The following LIN54 variants were observed in gnomAD, a reference collection of about 807,000 sequenced individuals.
The protein encoded by LIN54 is protein lin-54 homolog.
A neutral mutation model predicts 78.7 loss-of-function variants in LIN54; 9 were observed. The observed-to-expected ratio is 0.11, with a 90% CI of 0.07 to 0.20. The LOEUF is 0.20. LIN54 is among the 10% of genes least tolerant of loss of function. The pLI, the probability that LIN54 is intolerant of heterozygous loss-of-function variation, is 1.00. For missense variants in LIN54, 573 were observed against 889.9 expected (o/e 0.64, Z 4.53); for synonymous variants, 269 against 318.4 (o/e 0.84, Z 1.65).
intron 4 of LIN54, among the ~76,000 whole-genome samples, chr4:82,951,848 G>A (rs1723871339): frequency 6.6e-6 from 1 of 152,040 alleles, no homozygotes; most frequent in African/African-American, 2.4e-5. Context: ...TTTTCAACAA[G>A]GGTGCTGAGA....
chr4:82,992,905 G>C (rs903303805), intron 1 of LIN54, among the ~76,000 whole-genome samples: 5 of 151,654 alleles, frequency 3.3e-5, no homozygotes, highest in African/African-American at 1.2e-4. Flanking sequence ...GCAGGTGCCT[G>C]TAGTCCCAGC....
In LIN54 at chr4:82,970,328, T is replaced by G. The variant is rs541884077; in HGVS notation, c.950A>C (p.Lys317Thr). The G allele has an allele frequency of 6.2e-7, 1 of 1,604,006 alleles. No homozygotes were observed. The highest frequency in any genetic ancestry group is 1.3e-5 in the African/African-American group (1 of 74,422). Reference sequence around the variant, plus strand: ...TTTGTGGCTAATTTATTTTTTTACCTTATTTGGCGATTTCAAAGGTGAGAT... The same window carrying G: ...TTTGTGGCTAATTTATTTTTTTACCGTATTTGGCGATTTCAAAGGTGAGAT... ...IAISPLKSPN[K>T]AVKSTVQTIT... is the part of the protein sequence containing the mutation. The change falls in exon 4 of 13, where the codon AAG becomes ACG. Residue 317 changes from lysine (K) to threonine (T), a missense_variant and splice_region_variant. This residue lies in a region of LIN54 where 199 missense variants were observed against 260.9 expected (regional missense o/e 0.76). Coordinates refer to ENST00000340417, the MANE Select transcript of LIN54 (RefSeq NM_194282.4).
At chr4:82,952,405 T>C (rs1723914559) in intron 4 of LIN54, among the ~76,000 whole-genome samples, 1 of 152,096 alleles carries the variant, frequency 6.6e-6, no homozygotes, top group Admixed American at 6.6e-5. Flanking sequence ...GAAATACAAG[T>C]CAAAACTACA....
At chr4:82,937,916 A>G (rs942227600) in intron 8 of LIN54, among the ~76,000 whole-genome samples, 3 of 152,226 alleles carry the variant, frequency 2.0e-5, no homozygotes, top group Non-Finnish European at 4.4e-5. Context: ...GGATCACTTG[A>G]GCCCAGGAGG....
upstream of LIN54, chr4:83,011,935 C>T (rs141376904): frequency 3.0e-6 from 2 of 664,836 alleles, no homozygotes; most frequent in Non-Finnish European, 3.7e-6. Context: ...TTCAAGGCTG[C>T]GAACAGGGCC....
intron 4 of LIN54, among the ~76,000 whole-genome samples, chr4:82,960,840 C>T (rs886596923): frequency 5.9e-5 from 9 of 152,014 alleles, no homozygotes; most frequent in African/African-American, 1.2e-4. Flanking sequence ...GCAGGTAGGT[C>T]GCTTGAACCC....
intron 4 of LIN54, among the ~76,000 whole-genome samples, chr4:82,961,599 T>C (rs1021528146): frequency 6.6e-6 from 1 of 152,166 alleles, no homozygotes; most frequent in Non-Finnish European, 1.5e-5. Flanking sequence ...CCAGGATAAT[T>C]TGCATAGACT....
chr4:82,960,024 T>G (rs911605004), intron 4 of LIN54, among the ~76,000 whole-genome samples: 3 of 152,198 alleles, frequency 2.0e-5, no homozygotes, highest in Non-Finnish European at 4.4e-5. Flanking sequence ...TAATCTGCAG[T>G]CATTCATTTT....
chr4:82,950,940 A>G (rs1277573919), intron 4 of LIN54, among the ~76,000 whole-genome samples: 1 of 152,156 alleles, frequency 6.6e-6, no homozygotes, highest in Non-Finnish European at 1.5e-5. Flanking sequence ...GTATTTGTAG[A>G]TATGTAGATA....
At chr4:82,974,023 A>G (rs1312269754) in intron 3 of LIN54, among the ~76,000 whole-genome samples, 2 of 152,138 alleles carry the variant, frequency 1.3e-5, no homozygotes, top group Non-Finnish European at 1.5e-5. Context: ...ATCCTGGCTA[A>G]CACGGTGAAA....
chr4:83,005,806 T>C (rs1373130807), intron 1 of LIN54, among the ~76,000 whole-genome samples: 2 of 152,028 alleles, frequency 1.3e-5, no homozygotes, highest in African/African-American at 2.4e-5. Context: ...AAAACAAATG[T>C]TTATGCCAGA....
chr4:82,995,489 C>CTTTTT (rs749880882), intron 1 of LIN54, among the ~76,000 whole-genome samples: 6 of 76,342 alleles, frequency 7.9e-5, no homozygotes, highest in African/African-American at 1.0e-4. Flanking sequence ...ATCCTTATCT[C>CTTTTT]TTTTTTTTTT....
At chr4:82,934,911 A>G (rs1473417464) in intron 11 of LIN54, among the ~76,000 whole-genome samples, 1 of 152,168 alleles carries the variant, frequency 6.6e-6, no homozygotes, top group Non-Finnish European at 1.5e-5. Flanking sequence ...CTAAAATAAA[A>G]CTATATAGTA....
chr4:82,942,880 A>G, intron 5 of LIN54, among the ~76,000 whole-genome samples: 1 of 151,064 alleles, frequency 6.6e-6, no homozygotes, highest in Non-Finnish European at 1.5e-5. Flanking sequence ...ACACACACAC[A>G]CACACACACA....
chr4:82,961,916 A>C (rs1426050058), intron 4 of LIN54, among the ~76,000 whole-genome samples: 1 of 151,554 alleles, frequency 6.6e-6, no homozygotes, highest in Non-Finnish European at 1.5e-5. Context: ...AGATGGCACC[A>C]CTGCACTCCA....
Position 82,931,012 on chromosome 4 carries a change from G to T in LIN54, c.1979C>A (p.Thr660Lys). The T allele has an allele frequency of 6.2e-7, 1 of 1,614,156 alleles. No homozygotes were observed. The highest frequency in any genetic ancestry group is 8.5e-7 in the Non-Finnish European group (1 of 1,180,020). The change falls in exon 12 of 13, where the codon ACG becomes AAG. Residue 660 changes from threonine to lysine, a missense_variant. Coordinates refer to ENST00000340417, the MANE Select transcript of LIN54 (RefSeq NM_194282.4). ...VRVQQQTAAK[T>K]KLSSQISDLL... The stretch of plus-strand genomic sequence containing the variant: ...GTCTGAAATTTGAGAGGATAACTTC[G>T]TCTTGGCTGCTGTTTGTTGCTGTAC...
chr4:82,945,011 G>A (rs970093071), intron 5 of LIN54, among the ~76,000 whole-genome samples: 2 of 152,070 alleles, frequency 1.3e-5, no homozygotes, highest in Non-Finnish European at 2.9e-5. Context: ...ACAGGCACGC[G>A]CCATCACACC....
intron 1 of LIN54, among the ~76,000 whole-genome samples, chr4:82,989,356 T>A: frequency 6.6e-6 from 1 of 152,142 alleles, no homozygotes; most frequent in Admixed American, 6.6e-5. Context: ...AAGAATCCCC[T>A]CTGGCACTTA....
Position 82,926,018 on chromosome 4 carries a change from T to C in LIN54, c.*2084A>G, listed in dbSNP as rs1286555805. On this transcript the variant is annotated 3_prime_UTR_variant, in exon 13 of 13. Coordinates refer to ENST00000340417, the MANE Select transcript of LIN54 (RefSeq NM_194282.4). Reference sequence around the variant, plus strand: ...AGGCTTAATATTTTAGATAGATAGATTTTTGAAAATCAGAAAAACTAGTAG... The same window carrying C: ...AGGCTTAATATTTTAGATAGATAGACTTTTGAAAATCAGAAAAACTAGTAG... 2 of 152,606 alleles carry C rather than the reference T, an allele frequency of 1.3e-5. No homozygotes were observed. Among genetic ancestry groups the C allele is most frequent in the Non-Finnish European group, 2.9e-5 (2 of 68,014 alleles). The allele number at this position is 152,606 out of a possible 1,614,324, so 9.5% of individuals were successfully genotyped here. A position where few individuals can be genotyped will look rare whatever the true frequency, so the allele number is the denominator to read the frequency against.
Sources: allele counts gnomAD v4.1 joint callset (sites outside exome capture counted in the v4.1 genomes callset), GRCh38; gene constraint gnomAD v4.1.1; regional missense constraint gnomAD v4.1.1; transcripts MANE v1.5; gene names NCBI Gene and HGNC (gene_info 2026-07-23, HGNC 2026-07-21).